Variants in IQANK1 observed in about 807,000 individuals in gnomAD.
The protein encoded by IQANK1 is IQ motif and ankyrin repeat domain-containing protein 1.
Under a neutral mutation model 22.6 loss-of-function variants are expected in IQANK1, and 30 were observed. The observed-to-expected ratio is 1.33, with a 90% CI of 0.99 to 1.80. IQANK1 has a LOEUF of 1.80. IQANK1 is among the 40% of genes most tolerant of loss of function. The pLI is 0.00. For missense variants in IQANK1, 275 were observed against 235.2 expected, an observed-to-expected ratio of 1.17 and a Z score of -1.11; for synonymous variants, 122 against 99.6, an observed-to-expected ratio of 1.23 and a Z score of -1.34.
chr8:143,778,515 T>C (rs1819733945), intron 7 of IQANK1, among the ~76,000 whole-genome samples: 1 of 152,174 alleles, frequency 6.6e-6, no homozygotes, highest in Non-Finnish European at 1.5e-5. Context: ...AAGCAAAAAC[T>C]ATGAGAACTA....
chr8:143,738,704 G>A (rs1818810827), intron 2 of IQANK1, among the ~76,000 whole-genome samples: 1 of 147,222 alleles, frequency 6.8e-6, no homozygotes. Context: ...CCCCGCCCCC[G>A]CCCCATCCCG....
chr8:143,739,037 G>C (rs1266186691), intron 2 of IQANK1, among the ~76,000 whole-genome samples: 1 of 152,210 alleles, frequency 6.6e-6, no homozygotes, highest in Admixed American at 6.5e-5. Context: ...TTTGTGAACT[G>C]ATGTGGGGCC....
intron 3 of IQANK1, among the ~76,000 whole-genome samples, chr8:143,748,554 A>G (rs1266441056): frequency 1.5e-5 from 2 of 135,252 alleles, no homozygotes. Context: ...ATATAAATAT[A>G]GATATATATA....
At chr8:143,736,569 A>G (rs1554625721) in intron 2 of IQANK1, among the ~76,000 whole-genome samples, 2 of 152,164 alleles carry the variant, frequency 1.3e-5, no homozygotes, top group East Asian at 1.9e-4. Context: ...TAGATGGCCA[A>G]AAATGGGTTT....
chr8:143,769,232 A>G (rs1350166170), intron 3 of IQANK1, among the ~76,000 whole-genome samples: 1 of 151,544 alleles, frequency 6.6e-6, no homozygotes, highest in Non-Finnish European at 1.5e-5. Flanking sequence ...GCTAATTTTT[A>G]GTTATTTGTA....
At chr8:143,737,715 G>A (rs576197311) in intron 2 of IQANK1, among the ~76,000 whole-genome samples, 1 of 152,300 alleles carries the variant, frequency 6.6e-6, no homozygotes, top group Non-Finnish European at 1.5e-5. Flanking sequence ...GCCAGCTGCA[G>A]CCCCTCCACG....
chr8:143,768,327 C>T (rs964729576), intron 3 of IQANK1, among the ~76,000 whole-genome samples: 4 of 151,976 alleles, frequency 2.6e-5, no homozygotes, highest in African/African-American at 7.3e-5. Context: ...AGGGTTTCCG[C>T]GAATGTCTCA....
At chr8:143,746,975 G>A (rs1819044119) in intron 3 of IQANK1, among the ~76,000 whole-genome samples, 1 of 152,044 alleles carries the variant, frequency 6.6e-6, no homozygotes, top group Non-Finnish European at 1.5e-5. Context: ...CGCCTCCTGG[G>A]TTCACGCCAT....
At chr8:143,754,498 G>A (rs974619408) in intron 3 of IQANK1, among the ~76,000 whole-genome samples, 1 of 152,162 alleles carries the variant, frequency 6.6e-6, no homozygotes, top group South Asian at 2.1e-4. Context: ...TTGGGCTGAG[G>A]GGCCCCCATG....
intron 11 of IQANK1, 29 bp from the exon 12 acceptor site, chr8:143,789,942 C>T: frequency 1.6e-6 from 2 of 1,232,002 alleles, no homozygotes; most frequent in Non-Finnish European, 2.0e-6. Context: ...TCGGGCTTGC[C>T]TGTCAGCTGC....
intron 3 of IQANK1, among the ~76,000 whole-genome samples, chr8:143,741,181 C>T (rs1458151551): frequency 6.6e-6 from 1 of 152,200 alleles, no homozygotes; most frequent in Non-Finnish European, 1.5e-5. Context: ...CCCCATTTTG[C>T]TTTCTGTAGT....
At chr8:143,752,996 G>GTTTTT (rs34993930) in intron 3 of IQANK1, among the ~76,000 whole-genome samples, 1,111 of 69,896 alleles carry the variant, frequency 0.016, 200 homozygotes, top group African/African-American at 0.054. Context: ...CTCTCTGTTC[G>GTTTTT]TTTTTTTTTT....
intron 7 of IQANK1, among the ~76,000 whole-genome samples, chr8:143,787,211 G>A (rs1432835771): frequency 1.3e-5 from 2 of 152,156 alleles, no homozygotes; most frequent in Non-Finnish European, 2.9e-5. Context: ...ATGCATATTT[G>A]GGCTCTATTT....
rs200443835 is a variant in IQANK1 at position 143,788,686 on chromosome 8, T to TG, written c.790-227dup. On this transcript the variant is annotated intron_variant, in intron 7 of 13. Transcript: ENST00000527139. The stretch of plus-strand genomic sequence containing the variant: ...ACAGGAGCAGGTTCCTGCTTGGACT[T>TG]GGTCAGGGAGCCCAGGAGAATTCCC... Among the ~76,000 whole-genome samples, 1,326 of 152,264 alleles carry TG rather than the reference T, an allele frequency of 8.7e-3. 16 individuals are homozygous for TG. The highest frequency in any genetic ancestry group is 0.028 in the African/African-American group (1,179 of 41,556).
chr8:143,756,076 C>A (rs534932755), intron 3 of IQANK1, among the ~76,000 whole-genome samples: 2 of 152,208 alleles, frequency 1.3e-5, no homozygotes, highest in Admixed American at 1.3e-4. Flanking sequence ...CTCTGGTGGA[C>A]ATTTGCAAAG....
chr8:143,759,051 CCCTGGGATGAGGT>C (rs1819343867), intron 3 of IQANK1: 1 of 242,130 alleles, frequency 4.1e-6, no homozygotes, highest in Non-Finnish European at 8.4e-6. Context: ...TGGGATGAGG[CCCTGGGATGAGGT>C]CCTGCATTTG....
chr8:143,737,917 G>A (rs1213303239), intron 2 of IQANK1, among the ~76,000 whole-genome samples: 1 of 152,198 alleles, frequency 6.6e-6, no homozygotes, highest in Non-Finnish European at 1.5e-5. Context: ...CGGGGCCCAG[G>A]GCCGGCATGG....
chr8:143,769,667 G>C (rs1819538038), intron 3 of IQANK1, among the ~76,000 whole-genome samples: 1 of 152,192 alleles, frequency 6.6e-6, no homozygotes, highest in South Asian at 2.1e-4. Flanking sequence ...CTCTGGGCCA[G>C]GCCAGGCCCA....
chr8:143,746,733 T>C (rs1457018529), intron 3 of IQANK1, among the ~76,000 whole-genome samples: 1 of 152,178 alleles, frequency 6.6e-6, no homozygotes, highest in Non-Finnish European at 1.5e-5. Context: ...TAGTTATATG[T>C]CTATTCAGAT....
Sources: gnomAD v4.1 joint callset for allele counts (sites outside exome capture counted in the v4.1 genomes callset) on GRCh38, gnomAD v4.1.1 for gene constraint, MANE v1.5 for transcripts, NCBI Gene and HGNC (gene_info 2026-07-23, HGNC 2026-07-21) for gene names.